Variants in FGF12 observed in about 807,000 individuals in gnomAD.
FGF12 encodes the protein fibroblast growth factor 12B.
Under a neutral mutation model 23.6 loss-of-function variants are expected in FGF12, and 14 were observed. That is an observed-to-expected ratio of 0.59 (90% CI 0.39 to 0.93). The LOEUF is 0.93. FGF12 is among the 40% of genes least tolerant of loss of function. The pLI is 0.00. For missense variants in FGF12, 175 were observed against 217.8 expected (o/e 0.80, Z 1.24); for synonymous variants, 62 against 77.3 (o/e 0.80, Z 1.04).
In FGF12 at chr3:192,356,522, T is replaced by C. The variant is rs1272174325; in HGVS notation, c.124+3906A>G. 3.3e-5 allele frequency among the ~76,000 whole-genome samples: 5 copies of C among 152,330 alleles called. No homozygotes were observed. The East Asian group carries it at 9.6e-4, about 29-fold the overall frequency. On this transcript the variant is annotated intron_variant, in intron 3 of 5. Coordinates refer to ENST00000445105, the MANE Select transcript of FGF12 (RefSeq NM_004113.6). The stretch of plus-strand genomic sequence containing the variant: ...GCCATTGTCTTTTTTGTTCCAGTGT[T>C]CCAACACAGTTTTGTGCTTTTTATC...
At chr3:192,383,043 A>T (rs1719891421) in intron 2 of FGF12, among the ~76,000 whole-genome samples, 1 of 152,234 alleles carries the variant, frequency 6.6e-6, no homozygotes, top group Non-Finnish European at 1.5e-5. Flanking sequence ...GCATGTGGGC[A>T]GAAAGGGAAA....
chr3:192,726,747 T>G, intron 2 of FGF12: 1 of 195,378 alleles, frequency 5.1e-6, no homozygotes, highest in Non-Finnish European at 1.1e-5. Flanking sequence ...GAGGTGGGGG[T>G]GGTGAAATTC....
chr3:192,609,935 C>T (rs1294020579), intron 2 of FGF12, among the ~76,000 whole-genome samples: 1 of 152,064 alleles, frequency 6.6e-6, no homozygotes, highest in Non-Finnish European at 1.5e-5. Context: ...AGCATAAGCA[C>T]AACTAATATT....
At chr3:192,268,248 C>T (rs974654679) in intron 4 of FGF12, among the ~76,000 whole-genome samples, 47 of 152,236 alleles carry the variant, frequency 3.1e-4, no homozygotes, top group Non-Finnish European at 5.1e-4. Flanking sequence ...TCTGCTGCTT[C>T]CAATTTTCCA....
chr3:192,365,427 T>A (rs929269950), intron 2 of FGF12, among the ~76,000 whole-genome samples: 2 of 152,100 alleles, frequency 1.3e-5, no homozygotes, highest in Non-Finnish European at 2.9e-5. Flanking sequence ...GAAATCTGAA[T>A]AAAGTATGGA....
chr3:192,185,419 C>G (rs1371188508), intron 4 of FGF12, among the ~76,000 whole-genome samples: 2 of 152,112 alleles, frequency 1.3e-5, no homozygotes, highest in Non-Finnish European at 2.9e-5. Context: ...ATGAAATAGC[C>G]CTTGTAACGG....
intron 2 of FGF12, among the ~76,000 whole-genome samples, chr3:192,642,908 G>T (rs905065031): frequency 6.6e-6 from 1 of 152,176 alleles, no homozygotes; most frequent in Non-Finnish European, 1.5e-5. Flanking sequence ...AATCCATCTG[G>T]AGTCCTACTC....
At chr3:192,286,952 C>A (rs1714479002) in intron 4 of FGF12, among the ~76,000 whole-genome samples, 1 of 151,942 alleles carries the variant, frequency 6.6e-6, no homozygotes, top group African/African-American at 2.4e-5. Context: ...ACATCCTATG[C>A]AATTCTAAGA....
chr3:192,572,526 C>G (rs1479659410), intron 2 of FGF12, among the ~76,000 whole-genome samples: 1 of 152,028 alleles, frequency 6.6e-6, no homozygotes, highest in African/African-American at 2.4e-5. Flanking sequence ...GTGACACAAA[C>G]AGAACAAAAC....
At chr3:192,501,527 A>C (rs1724132668) in intron 2 of FGF12, among the ~76,000 whole-genome samples, 1 of 152,212 alleles carries the variant, frequency 6.6e-6, no homozygotes, top group African/African-American at 2.4e-5. Flanking sequence ...CAAAATCATC[A>C]TGATGACTCA....
intron 4 of FGF12, among the ~76,000 whole-genome samples, chr3:192,277,815 T>G (rs1195656575): frequency 6.6e-6 from 1 of 152,144 alleles, no homozygotes; most frequent in East Asian, 1.9e-4. Flanking sequence ...CTGGCTGGAG[T>G]GCAGTGGTGC....
intron 4 of FGF12, among the ~76,000 whole-genome samples, chr3:192,180,000 T>C (rs954744018): frequency 3.3e-5 from 5 of 152,290 alleles, no homozygotes; most frequent in East Asian, 3.9e-4. Flanking sequence ...GAAAAGTCAC[T>C]GTAGTTGTGG....
chr3:192,478,254 G>C (rs1161078543), intron 2 of FGF12, among the ~76,000 whole-genome samples: 4 of 152,078 alleles, frequency 2.6e-5, no homozygotes, highest in African/African-American at 9.7e-5. Context: ...AGGTACAACA[G>C]TTATCTCCAT....
chr3:192,327,044 G>A (rs1211469036), intron 4 of FGF12, among the ~76,000 whole-genome samples: 3 of 152,198 alleles, frequency 2.0e-5, no homozygotes, highest in African/African-American at 7.2e-5. Flanking sequence ...GCTCATGGTT[G>A]TGGACGTGAA....
chr3:192,616,041 T>A (rs1395167446), intron 2 of FGF12, among the ~76,000 whole-genome samples: 1 of 151,900 alleles, frequency 6.6e-6, no homozygotes, highest in African/African-American at 2.4e-5. Context: ...GCTTACAAAA[T>A]TTTTTTCTTA....
chr3:192,164,989 T>C (rs1359355130), intron 5 of FGF12, among the ~76,000 whole-genome samples: 1 of 152,156 alleles, frequency 6.6e-6, no homozygotes, highest in Non-Finnish European at 1.5e-5. Context: ...TCTTTCTCTG[T>C]TGACCAGGCT....
intron 4 of FGF12, among the ~76,000 whole-genome samples, chr3:192,214,877 C>T (rs1718110819): frequency 6.6e-6 from 1 of 152,158 alleles, no homozygotes; most frequent in African/African-American, 2.4e-5. Flanking sequence ...TACATGAAAA[C>T]AATTGTTTTA....
intron 2 of FGF12, among the ~76,000 whole-genome samples, chr3:192,493,054 GA>G (rs759893261): frequency 4.0e-5 from 6 of 150,366 alleles, no homozygotes; most frequent in Non-Finnish European, 8.9e-5. Context: ...TTATTTTTAG[GA>G]AAACTTAGAA....
intron 4 of FGF12, among the ~76,000 whole-genome samples, chr3:192,303,201 C>T (rs1443181002): frequency 6.6e-6 from 1 of 152,108 alleles, no homozygotes; most frequent in South Asian, 2.1e-4. Flanking sequence ...TATGGTCTGT[C>T]AGCCATTACA....
Sources: gnomAD v4.1 joint callset for allele counts (sites outside exome capture counted in the v4.1 genomes callset) on GRCh38, gnomAD v4.1.1 for gene constraint, MANE v1.5 for transcripts, NCBI Gene and HGNC (gene_info 2026-07-23, HGNC 2026-07-21) for gene names.